Variants in MYBBP1A observed in about 807,000 individuals in gnomAD.
MYBBP1A encodes MYB binding protein 1a.
MYBBP1A carries 147 observed loss-of-function variants against 136.3 expected under a neutral mutation model. That is an observed-to-expected ratio of 1.08 (90% CI 0.94 to 1.24). MYBBP1A has a LOEUF of 1.24. Among genes scored for constraint, MYBBP1A ranks in the 50% most tolerant of loss-of-function variants. The probability of loss-of-function intolerance (pLI) is 0.00; values close to 1 mark genes in which losing one functional copy is unlikely to be tolerated. For missense variants in MYBBP1A, 2,060 were observed against 1,727.4 expected, an observed-to-expected ratio of 1.19 and a Z score of -3.41; for synonymous variants, 947 against 735.8, an observed-to-expected ratio of 1.29 and a Z score of -4.65.
intron 2 of MYBBP1A, 47 bp from the exon 3 acceptor site, chr17:4,554,325 C>G: frequency 6.5e-7 from 1 of 1,535,576 alleles, no homozygotes; most frequent in Non-Finnish European, 9.0e-7. Flanking sequence ...GGAGAGTGGC[C>G]CAACTACGTC....
At chr17:4,545,211 C>G (rs753889303) in intron 16 of MYBBP1A, 36 bp from the exon 17 acceptor site, 1 of 1,612,934 alleles carries the variant, frequency 6.2e-7, no homozygotes, top group Non-Finnish European at 8.5e-7. Flanking sequence ...CACACCTCCC[C>G]GATCGTCCCA....
rs1174613042 is a variant in MYBBP1A at position 4,545,310 on chromosome 17, G to A, written c.2109C>T (p.Asp703=). The change falls in exon 16 of 26, where the codon GAC becomes GAT. Residue 703 remains aspartate, a synonymous_variant. Transcript: ENST00000254718. ...LNPETSEDEN[D]RVVVTDDSDE... is the part of the protein sequence containing the mutation. ...CAGAATCGTCCGTCACCACCACACG[G>A]TCATTCTCATCCTCACTGGTCTCGG... The A allele has an allele frequency of 1.1e-5, 18 of 1,613,124 alleles. No individual in the cohort carries two copies. Among genetic ancestry groups the A allele is most frequent in the Non-Finnish European group, 1.4e-5 (17 of 1,179,938 alleles).
intron 18 of MYBBP1A, 27 bp from the exon 19 acceptor site, chr17:4,544,673 C>CACGGGGGTGGGCACACAGGGAG (rs1906789333): frequency 2.0e-6 from 3 of 1,518,214 alleles, no homozygotes; most frequent in Non-Finnish European, 2.6e-6. Context: ...AGGTCAGCAA[C>CACGGGGGTGGGCACACAGGGAG]ACGGGGGTGG....
At position 4,555,060 on chromosome 17, in the gene MYBBP1A, C is replaced by A. The variant is rs1430907237; in HGVS notation, c.198+67G>T. 4 of 1,577,150 alleles carry A rather than the reference C, an allele frequency of 2.5e-6. No homozygotes were observed. The African/African-American group carries it at 5.4e-5, about 21-fold the overall frequency. On this transcript the variant is annotated intron_variant, in intron 1 of 25. Coordinates refer to ENST00000254718, the MANE Select transcript of MYBBP1A (RefSeq NM_014520.4). ...CGACCACGTGCCCCCAGTCTCAACT[C>A]CCTGGGCCCGCCGCCGCTTCCTTGC...
At chr17:4,545,533 C>A in intron 15 of MYBBP1A, 77 bp downstream of exon 15, 1 of 1,522,840 alleles carries the variant, frequency 6.6e-7, no homozygotes, top group East Asian at 2.3e-5. Flanking sequence ...AGGCTGGAGG[C>A]TGAAGCGGCA....
intron 19 of MYBBP1A, among the ~76,000 whole-genome samples, chr17:4,543,593 C>T (rs1043031406): frequency 4.6e-5 from 7 of 152,152 alleles, no homozygotes; most frequent in African/African-American, 1.7e-4. Flanking sequence ...CGACACTGTC[C>T]ACGCACGCTG....
At chr17:4,542,399 G>C in intron 22 of MYBBP1A, 65 bp downstream of exon 22, 3 of 1,515,896 alleles carry the variant, frequency 2.0e-6, no homozygotes, top group Non-Finnish European at 1.8e-6. Context: ...ACAATATCCA[G>C]TCAGAAGAGG....
chr17:4,539,716 G>T lies in MYBBP1A; in HGVS notation c.3686C>A (p.Thr1229Asn), dbSNP rs777465263. The T allele has an allele frequency of 1.1e-5, 17 of 1,609,914 alleles. No individual in the cohort carries two copies. Among genetic ancestry groups the T allele is most frequent in the Non-Finnish European group, 1.4e-5 (17 of 1,177,202 alleles). Residue 1229 changes from threonine to asparagine, a missense_variant, in exon 26 of 26, where the codon ACC (threonine) becomes AAC (asparagine). Transcript: ENST00000254718. ...KVPAQANGTP[T>N]TKSPAPGAPT... ...GGCGCCAGGGGCTGGACTCTTGGTG[G>T]TTGGCGTCCCGTTTGCCTGGGCTGG...
In MYBBP1A at chr17:4,540,373, G is replaced by A. The variant is rs770522583; in HGVS notation, c.3409C>T (p.Gln1137Ter). 1.2e-6 allele frequency: 2 copies of A among 1,608,820 alleles called. No individual in the cohort carries two copies. Among genetic ancestry groups the A allele is most frequent in the East Asian group, 2.2e-5 (1 of 44,888 alleles). Residue 1137 changes from glutamine (Q) to a stop codon, truncating the protein, a stop_gained, in exon 25 of 26, where the codon CAG becomes TAG. Transcript: ENST00000254718. LOFTEE classifies it low-confidence loss of function (END_TRUNC). ...GSSRLHDLYW[Q>*]AMKTLGVQRP... The stretch of plus-strand genomic sequence containing the variant: ...TGGACTCCCAGGGTTTTCATGGCCT[G>A]CCAGTAGAGGTCGTGCAGGCGGCTG...
chr17:4,546,912 CTTTTTTT>C (rs750174532), intron 13 of MYBBP1A, among the ~76,000 whole-genome samples: 2 of 136,790 alleles, frequency 1.5e-5, no homozygotes, highest in African/African-American at 5.6e-5. Context: ...TGGGCTGCAC[CTTTTTTT>C]TTTTTTTTCT....
At position 4,549,932 on chromosome 17, in the gene MYBBP1A, T is replaced by C. The variant is rs1907353074; in HGVS notation, c.1319+126A>G. ...TGAGGCCTCATATGAGAGCTAAGGCTCTTCCCCCTCGCTCCTCTCATGGTT... is the reference window on the plus strand; with the variant it reads ...TGAGGCCTCATATGAGAGCTAAGGCCCTTCCCCCTCGCTCCTCTCATGGTT... On this transcript the variant is annotated intron_variant, in intron 9 of 25. Transcript: ENST00000254718. 3 of 1,040,824 alleles carry C rather than the reference T, an allele frequency of 2.9e-6. No individual in the cohort carries two copies. In the South Asian group the frequency reaches 4.8e-5, roughly 17 times the overall value. The allele number at this position is 1,040,824 out of a possible 1,614,324, so 64.5% of individuals were successfully genotyped here.
chr17:4,549,601 A>AC (rs1232899868), intron 9 of MYBBP1A, among the ~76,000 whole-genome samples, 159 bp from the exon 10 acceptor site: 6 of 152,112 alleles, frequency 3.9e-5, no homozygotes, highest in Non-Finnish European at 8.8e-5. Context: ...ACACGGTGAA[A>AC]CCCCATCTCC....
chr17:4,545,753 C>G lies in MYBBP1A; in HGVS notation c.1930G>C (p.Glu644Gln). 1 of 1,606,230 alleles carries G rather than the reference C, an allele frequency of 6.2e-7. No individual in the cohort carries two copies. The highest frequency in any genetic ancestry group is 8.5e-7 in the Non-Finnish European group (1 of 1,175,300). ...ACCAGCACCTCTACCCACGGGGGTT[C>G]CTGGGGGTCTGCAAGAGGGAGGGGT... ...RSRTKTIDPQ[E>Q]PPWVEVLVEI... The change falls in exon 15 of 26, where the codon GAA (glutamate) becomes CAA (glutamine). Residue 644 changes from glutamate to glutamine, a missense_variant. Transcript: ENST00000254718.
rs148965241 is a variant in MYBBP1A, at chr17:4,544,161, C to T, written c.2639+328G>A. ...ACTGTCCCCCTCCACCCCAGCACAGCCCCACTTGAGACTGTCAAGGGCAGG... is the reference window on the plus strand; with the variant it reads ...ACTGTCCCCCTCCACCCCAGCACAGTCCCACTTGAGACTGTCAAGGGCAGG... On this transcript the variant is annotated intron_variant, in intron 19 of 25. Coordinates refer to ENST00000254718, the MANE Select transcript of MYBBP1A (RefSeq NM_014520.4). Among the ~76,000 whole-genome samples, 28 of 151,504 alleles carry T rather than the reference C, an allele frequency of 1.8e-4. No individual in the cohort carries two copies. The East Asian group carries it at 5.2e-3, about 28-fold the overall frequency.
chr17:4,545,785 C>T (rs774191487), intron 14 of MYBBP1A, 24 bp from the exon 15 acceptor site: 12 of 1,606,880 alleles, frequency 7.5e-6, no homozygotes, highest in Admixed American at 1.7e-5. Flanking sequence ...GGGTTGAGCC[C>T]GGATAGGGGA....
In MYBBP1A at chr17:4,552,760, A is replaced by C; in HGVS notation, c.562-134T>G. ...CAGAGGCCAGTTGCTAACAAAACTCAAATTCCCAGGCAGCGGGGTTTTTGA... is the reference window on the plus strand; with the variant it reads ...CAGAGGCCAGTTGCTAACAAAACTCCAATTCCCAGGCAGCGGGGTTTTTGA... On this transcript the variant is annotated intron_variant, in intron 5 of 25. Transcript: ENST00000254718. The surrounding 1 kb of genome is among the most constrained non-coding windows in gnomAD (Gnocchi z 4.7). 6.2e-6 allele frequency: 5 copies of C among 806,456 alleles called. No individual in the cohort carries two copies. The highest frequency in any genetic ancestry group is 9.4e-6 in the Non-Finnish European group (5 of 530,098). 50.0% of individuals were successfully genotyped at this position (806,456 alleles called of 1,614,324 possible). A position where few individuals can be genotyped will look rare whatever the true frequency, so the allele number is the denominator to read the frequency against.
chr17:4,540,795 G>A (rs1056528881), intron 24 of MYBBP1A, among the ~76,000 whole-genome samples: 14 of 152,208 alleles, frequency 9.2e-5, no homozygotes, highest in Admixed American at 3.3e-4. Context: ...CCATCACCGC[G>A]GGGCTGCCAA....
chr17:4,553,726 T>C lies in MYBBP1A; in HGVS notation c.561+84A>G, dbSNP rs2144507281. The C allele has an allele frequency of 3.1e-6, 3 of 980,874 alleles. No homozygotes were observed. In the Admixed American group the frequency reaches 5.7e-5, roughly 19 times the overall value. 60.8% of individuals were successfully genotyped at this position (980,874 alleles called of 1,614,324 possible). A position where few individuals can be genotyped will look rare whatever the true frequency, so the allele number is the denominator to read the frequency against. ...ACATCTTTGTATTTCTATGGAACAG[T>C]GCTGTTCCAGATTCTCATCCGAGCC... On this transcript the variant is annotated intron_variant, in intron 5 of 25. Coordinates refer to ENST00000254718, the MANE Select transcript of MYBBP1A (RefSeq NM_014520.4).
chr17:4,541,334 G>A, intron 24 of MYBBP1A, 129 bp downstream of exon 24: 1 of 813,536 alleles, frequency 1.2e-6, no homozygotes, highest in Non-Finnish European at 2.0e-6. Context: ...CCCTGGCCCA[G>A]GCACTGAGAA....
Sources: allele counts gnomAD v4.1 joint callset (sites outside exome capture counted in the v4.1 genomes callset), GRCh38; gene constraint gnomAD v4.1.1; non-coding constraint Gnocchi (gnomAD v3.1); transcripts MANE v1.5; gene names NCBI Gene and HGNC (gene_info 2026-07-23, HGNC 2026-07-21).